PPP2R3A: variants seen among roughly 807,000 people sequenced by gnomAD.
PPP2R3A encodes protein phosphatase 2 regulatory subunit B''alpha.
Under a neutral mutation model 106.9 loss-of-function variants are expected in PPP2R3A, and 80 were observed. That is an observed-to-expected ratio of 0.75 (90% confidence interval 0.62 to 0.90). The LOEUF is 0.90. Ranked by LOEUF, PPP2R3A falls within the 40% of genes least tolerant of loss-of-function variation. The pLI, the probability that PPP2R3A is intolerant of heterozygous loss-of-function variation, is 0.00. For missense variants in PPP2R3A, 1,386 were observed against 1,350.4 expected (o/e 1.03, Z -0.41); for synonymous variants, 483 against 468.3 (o/e 1.03, Z -0.41).
rs1184847635 is a variant in PPP2R3A at position 136,001,717 on chromosome 3, A to G, written c.219A>G (p.Leu73=). ...ATGCAGATCTGAACTCTATGTTTCT[A>G]CCCCATGAAAATGGGCTTTCTTCGG... ...FKDADLNSMF[L]PHENGLSSAE... The change falls in exon 2 of 14, where the codon CTA becomes CTG. Residue 73 remains leucine, a synonymous_variant. Coordinates refer to ENST00000264977, the MANE Select transcript of PPP2R3A (RefSeq NM_002718.5). 2.5e-6 allele frequency: 4 copies of G among 1,613,918 alleles called. No homozygotes were observed. In the Admixed American group the frequency reaches 6.7e-5, roughly 27 times the overall value.
At chr3:136,144,024 A>G (rs1938994828) in intron 13 of PPP2R3A, among the ~76,000 whole-genome samples, 1 of 152,246 alleles carries the variant, frequency 6.6e-6, no homozygotes, top group Non-Finnish European at 1.5e-5. Context: ...TGATGTACAT[A>G]TCTACATATG....
intron 12 of PPP2R3A, among the ~76,000 whole-genome samples, chr3:136,103,859 C>T (rs186534421): frequency 1.3e-5 from 2 of 152,192 alleles, no homozygotes; most frequent in East Asian, 1.9e-4. Context: ...TAATGATTGC[C>T]GTTCATGGCT....
intron 2 of PPP2R3A, among the ~76,000 whole-genome samples, chr3:136,024,060 T>C (rs2107818411): frequency 6.6e-6 from 1 of 152,206 alleles, no homozygotes; most frequent in Non-Finnish European, 1.5e-5. Flanking sequence ...AATGCTACAG[T>C]GACATAATAG....
At chr3:136,062,323 G>A (rs1198908457) in intron 5 of PPP2R3A, among the ~76,000 whole-genome samples, 2 of 152,168 alleles carry the variant, frequency 1.3e-5, no homozygotes, top group African/African-American at 4.8e-5. Context: ...GATAACTGAA[G>A]AGCAGCCAGT....
Position 136,082,400 on chromosome 3 carries a change from C to G in PPP2R3A, c.2767C>G (p.Leu923Val). The G allele has an allele frequency of 1.9e-6, 3 of 1,613,864 alleles. No individual in the cohort carries two copies. The highest frequency in any genetic ancestry group is 2.5e-6 in the Non-Finnish European group (3 of 1,179,766). Residue 923 changes from leucine (L) to valine (V), a missense_variant, in exon 8 of 14, where the codon CTG becomes GTG. By Grantham distance (32) the Leu-to-Val change is conservative (BLOSUM62 1). Coordinates refer to ENST00000264977, the MANE Select transcript of PPP2R3A (RefSeq NM_002718.5). ...DHDLYISQAD[L>V]SRYNDQASSS... ...CGACCTCTACATCAGCCAGGCCGAT[C>G]TGTCTCGATACAATGACCAGGGTAA...
chr3:136,080,899 G>T (rs1936759368), intron 7 of PPP2R3A, among the ~76,000 whole-genome samples: 1 of 151,886 alleles, frequency 6.6e-6, no homozygotes, highest in Non-Finnish European at 1.5e-5. Context: ...GAGCACTTTG[G>T]TTTTCCAGTG....
At chr3:136,126,413 G>T (rs1475367983) in intron 13 of PPP2R3A, among the ~76,000 whole-genome samples, 1 of 152,226 alleles carries the variant, frequency 6.6e-6, no homozygotes, top group Admixed American at 6.5e-5. Flanking sequence ...TAGCTGGGCT[G>T]GGGGAGGGTT....
chr3:135,982,343 C>G (rs960514104), intron 1 of PPP2R3A, among the ~76,000 whole-genome samples: 2 of 152,106 alleles, frequency 1.3e-5, no homozygotes, highest in African/African-American at 4.8e-5. Flanking sequence ...CTTGTTGGGC[C>G]TCATCTGCAA....
At chr3:136,140,719 G>C (rs1938833123) in intron 13 of PPP2R3A, among the ~76,000 whole-genome samples, 1 of 150,308 alleles carries the variant, frequency 6.7e-6, no homozygotes, top group Non-Finnish European at 1.5e-5. Flanking sequence ...CTGCACTCCA[G>C]CCTGGGCAAC....
intron 11 of PPP2R3A, among the ~76,000 whole-genome samples, 156 bp from the exon 12 acceptor site, chr3:136,103,102 C>A (rs933797989): frequency 5.9e-5 from 9 of 151,946 alleles, no homozygotes; most frequent in African/African-American, 1.2e-4. Context: ...GAAATTGATA[C>A]CCTTGAAAAA....
At position 136,003,411 on chromosome 3, in the gene PPP2R3A, C is replaced by T. The variant is rs141649812; in HGVS notation, c.1913C>T (p.Ser638Leu). The T allele has an allele frequency of 3.5e-4, 557 of 1,613,938 alleles. 3 individuals are homozygous for T. The East Asian group carries it at 0.01, about 29-fold the overall frequency. The change falls in exon 2 of 14, where the codon TCA becomes TTA. Residue 638 changes from serine to leucine, a missense_variant. Transcript: ENST00000264977. Reference sequence around the variant, plus strand: ...ACAACTTCCTCCCAGGCCAATTTATCAGTCTGTAGAAGTCCTGTTGGTGAT... The same window carrying T: ...ACAACTTCCTCCCAGGCCAATTTATTAGTCTGTAGAAGTCCTGTTGGTGAT... ...TLTTSSQANL[S>L]VCRSPVGDKA...
chr3:136,116,503 G>T (rs1378001559), intron 13 of PPP2R3A, among the ~76,000 whole-genome samples: 1 of 152,196 alleles, frequency 6.6e-6, no homozygotes, highest in African/African-American at 2.4e-5. Context: ...CCCATCTCAT[G>T]TGCAAAGACA....
At chr3:136,080,444 A>G (rs889511618) in intron 7 of PPP2R3A, among the ~76,000 whole-genome samples, 5 of 152,206 alleles carry the variant, frequency 3.3e-5, no homozygotes, top group African/African-American at 7.2e-5. Context: ...TTACCCTCCA[A>G]AAAGCCTGCA....
intron 1 of PPP2R3A, among the ~76,000 whole-genome samples, chr3:135,988,581 A>G (rs1933023453): frequency 6.6e-6 from 1 of 152,124 alleles, no homozygotes. Context: ...CACTTAGGTA[A>G]GAGCAAAGTC....
chr3:136,112,158 C>T (rs1937603116), intron 13 of PPP2R3A, among the ~76,000 whole-genome samples: 1 of 152,084 alleles, frequency 6.6e-6, no homozygotes, highest in Non-Finnish European at 1.5e-5. Flanking sequence ...TAATAAGGGC[C>T]ATCTATGACA....
chr3:136,049,462 T>A, intron 5 of PPP2R3A, 101 bp downstream of exon 5: 1 of 763,884 alleles, frequency 1.3e-6, no homozygotes. Context: ...TACACAGATC[T>A]AGATATCAGA....
At chr3:135,999,421 T>G (rs1481516665) in intron 1 of PPP2R3A, among the ~76,000 whole-genome samples, 1 of 152,162 alleles carries the variant, frequency 6.6e-6, no homozygotes, top group Non-Finnish European at 1.5e-5. Flanking sequence ...TTGAAAATAG[T>G]GGATTAGATT....
intron 4 of PPP2R3A, 43 bp downstream of exon 4, chr3:136,041,005 T>C: frequency 1.3e-6 from 2 of 1,534,810 alleles, no homozygotes; most frequent in Non-Finnish European, 1.8e-6. Flanking sequence ...CAAAGAATTG[T>C]GTGACCCTCA....
intron 6 of PPP2R3A, among the ~76,000 whole-genome samples, chr3:136,073,242 C>G (rs902925167): frequency 1.4e-4 from 21 of 152,186 alleles, no homozygotes; most frequent in Admixed American, 3.3e-4. Context: ...GCTGGGATTA[C>G]AGGCATGAGC....
Sources: gnomAD v4.1 joint callset for allele counts (sites outside exome capture counted in the v4.1 genomes callset) on GRCh38, gnomAD v4.1.1 for gene constraint, MANE v1.5 for transcripts, NCBI Gene and HGNC (gene_info 2026-07-23, HGNC 2026-07-21) for gene names.